ANKRD11: variants seen among roughly 807,000 people sequenced by gnomAD.
ANKRD11 encodes the protein ankyrin repeat domain 11, also known as ankyrin repeat domain-containing protein 11.
Under a neutral mutation model 195.7 loss-of-function variants are expected in ANKRD11, and 17 were observed. That is an observed-to-expected ratio of 0.09 (90% confidence interval 0.06 to 0.13). The LOEUF (loss-of-function observed/expected upper bound fraction) is 0.13, where lower values mean the gene tolerates loss of function less well. Among genes scored for constraint, ANKRD11 ranks in the 10% least tolerant of loss-of-function variants. The probability of loss-of-function intolerance (pLI) is 1.00; values close to 1 mark genes in which losing one functional copy is unlikely to be tolerated. For missense variants in ANKRD11, 3,735 were observed against 3,566.1 expected, an observed-to-expected ratio of 1.05 and a Z score of -1.21; for synonymous variants, 1,953 against 1,528.1, an observed-to-expected ratio of 1.28 and a Z score of -6.49.
intron 2 of ANKRD11, among the ~76,000 whole-genome samples, chr16:89,415,261 C>CTTTTTT (rs34004237): frequency 1.2e-5 from 1 of 84,532 alleles, no homozygotes. Context: ...GCCAGCTATT[C>CTTTTTT]TTTTTTTTTT....
chr16:89,480,053 G>A (rs1361933276), intron 1 of ANKRD11, among the ~76,000 whole-genome samples: 1 of 151,688 alleles, frequency 6.6e-6, no homozygotes, highest in African/African-American at 2.4e-5. Context: ...AGAGGTTGCA[G>A]TGAGCTGAGA....
chr16:89,484,618 G>A (rs1362860303), intron 1 of ANKRD11, among the ~76,000 whole-genome samples: 1 of 152,146 alleles, frequency 6.6e-6, no homozygotes, highest in Non-Finnish European at 1.5e-5. Context: ...ACCAAGAAAA[G>A]AGGTTTATTT....
At chr16:89,418,947 C>T (rs1193651784) in intron 1 of ANKRD11, among the ~76,000 whole-genome samples, 1 of 151,910 alleles carries the variant, frequency 6.6e-6, no homozygotes, top group Admixed American at 6.6e-5. Context: ...ATCTGGACCT[C>T]CTGACCTCAG....
At chr16:89,382,732 G>A (rs963257446) in intron 2 of ANKRD11, among the ~76,000 whole-genome samples, 7 of 152,118 alleles carry the variant, frequency 4.6e-5, no homozygotes, top group Admixed American at 3.3e-4. Context: ...CTCCTGCCTC[G>A]GCCTCCCAAA....
chr16:89,372,354 G>T (rs748789975), intron 2 of ANKRD11, among the ~76,000 whole-genome samples: 11 of 152,166 alleles, frequency 7.2e-5, no homozygotes, highest in Non-Finnish European at 1.3e-4. Context: ...GCCTGCCGCC[G>T]GTGTGGAGAG....
At chr16:89,447,562 C>G (rs2043849822) in intron 1 of ANKRD11, among the ~76,000 whole-genome samples, 1 of 152,118 alleles carries the variant, frequency 6.6e-6, no homozygotes, top group Non-Finnish European at 1.5e-5. Flanking sequence ...CTGCTGTGGT[C>G]CACAATCCTA....
intron 6 of ANKRD11, among the ~76,000 whole-genome samples, chr16:89,290,200 C>G (rs1025740913): frequency 2.0e-5 from 3 of 152,100 alleles, no homozygotes; most frequent in Admixed American, 2.0e-4. Flanking sequence ...CCATCCAACC[C>G]GATGGGAGGC....
intron 2 of ANKRD11, among the ~76,000 whole-genome samples, chr16:89,364,024 C>T (rs2039844232): frequency 6.6e-6 from 1 of 152,086 alleles, no homozygotes; most frequent in Admixed American, 6.6e-5. Flanking sequence ...TGTGCCATGC[C>T]ACTGCATTCC....
intron 6 of ANKRD11, among the ~76,000 whole-genome samples, chr16:89,290,275 T>TAGGCTCAGGGCTCCAGCCGGGGG (rs1218203181): frequency 4.9e-5 from 1 of 20,408 alleles, no homozygotes; most frequent in Non-Finnish European, 1.1e-4. Context: ...CCAATGGGGG[T>TAGGCTCAGGGCTCCAGCCGGGGG]AGGCTCAGGG....
At chr16:89,457,791 G>C (rs892296237) in intron 1 of ANKRD11, among the ~76,000 whole-genome samples, 15 of 152,068 alleles carry the variant, frequency 9.9e-5, no homozygotes, top group African/African-American at 3.6e-4. Flanking sequence ...TCATCCTACT[G>C]TACCTTCTAA....
intron 1 of ANKRD11, among the ~76,000 whole-genome samples, chr16:89,441,586 T>C (rs914915886): frequency 1.3e-5 from 2 of 151,710 alleles, no homozygotes; most frequent in African/African-American, 4.8e-5. Context: ...GCTAACATGG[T>C]AAAACCCCAC....
intron 1 of ANKRD11, among the ~76,000 whole-genome samples, chr16:89,487,462 A>T (rs747884911): frequency 6.6e-5 from 10 of 152,198 alleles, no homozygotes; most frequent in African/African-American, 1.7e-4. Flanking sequence ...TAACCTTTCT[A>T]TGTCAAATCT....
intron 1 of ANKRD11, among the ~76,000 whole-genome samples, chr16:89,469,832 C>G (rs62070278): frequency 0.016 from 1 of 64 alleles, no homozygotes; most frequent in East Asian, 0.5. Context: ...CCGGGAGCGG[C>G]AGTTGCAGGG....
At chr16:89,387,473 C>A (rs1008621708) in intron 2 of ANKRD11, among the ~76,000 whole-genome samples, 3 of 150,356 alleles carry the variant, frequency 2.0e-5, no homozygotes, top group African/African-American at 7.4e-5. Flanking sequence ...GAGACCGAGA[C>A]CATCCCGGCT....
intron 12 of ANKRD11, chr16:89,270,391 C>A: frequency 3.4e-6 from 1 of 296,494 alleles, no homozygotes; most frequent in Non-Finnish European, 6.7e-6. Context: ...TCCAGGGTGT[C>A]CCGGTGAGCA....
At chr16:89,278,418 T>C (rs1597426778) in intron 9 of ANKRD11, 2 of 416,526 alleles carry the variant, frequency 4.8e-6, no homozygotes, top group South Asian at 3.5e-5. Context: ...TTTGGAGGGA[T>C]CTATTTTGGG....
intron 2 of ANKRD11, among the ~76,000 whole-genome samples, chr16:89,416,580 G>A (rs1451684106): frequency 1.3e-5 from 2 of 152,078 alleles, no homozygotes; most frequent in Admixed American, 6.5e-5. Flanking sequence ...TTACAGGCGT[G>A]AGCCACTGTG....
chr16:89,442,670 G>C (rs1474083482), intron 1 of ANKRD11, among the ~76,000 whole-genome samples: 1 of 152,200 alleles, frequency 6.6e-6, no homozygotes, highest in African/African-American at 2.4e-5. Context: ...CAAAGGCCAG[G>C]TGCTGACACG....
chr16:89,488,906 T>C (rs4785569), intron 1 of ANKRD11: 83,578 of 151,944 alleles, frequency 0.55, 23,163 homozygotes, highest in East Asian at 0.67. Context: ...CTACTCATAA[T>C]CTACAAAAAC....
Sources: gnomAD v4.1 joint callset for allele counts (sites outside exome capture counted in the v4.1 genomes callset) on GRCh38, gnomAD v4.1.1 for gene constraint, MANE v1.5 for transcripts, NCBI Gene and HGNC (gene_info 2026-07-23, HGNC 2026-07-21) for gene names.